DMXL1: variants seen among roughly 807,000 people sequenced by gnomAD.
DMXL1 encodes Dmx like 1, also known as dmX-like protein 1.
Under a neutral mutation model 319.2 loss-of-function variants are expected in DMXL1, and 99 were observed. That is an observed-to-expected ratio of 0.31 (90% CI 0.26 to 0.37). The LOEUF (loss-of-function observed/expected upper bound fraction) is 0.37, where lower values mean the gene tolerates loss of function less well. Ranked by LOEUF, DMXL1 falls within the 10% of genes least tolerant of loss-of-function variation. DMXL1 has a pLI of 1.00. For missense variants in DMXL1, 3,745 were observed against 3,595.6 expected (o/e 1.04, Z -1.06); for synonymous variants, 1,385 against 1,235.2 (o/e 1.12, Z -2.54).
chr5:119,241,177 T>TA (rs1165844220), intron 42 of DMXL1, among the ~76,000 whole-genome samples: 1 of 152,198 alleles, frequency 6.6e-6, no homozygotes, highest in Non-Finnish European at 1.5e-5. Context: ...CATGAGTACA[T>TA]ACAGTAGTGT....
intron 2 of DMXL1, among the ~76,000 whole-genome samples, chr5:119,100,153 T>C (rs552429032): frequency 6.6e-6 from 1 of 152,252 alleles, no homozygotes; most frequent in East Asian, 1.9e-4. Context: ...ACCTGGGGAC[T>C]TCTGACTGTT....
In DMXL1 at chr5:119,098,682, T is replaced by A. The variant is rs934101869; in HGVS notation, c.213+578T>A. ...CAAAAGTAACAAAGTATAAAATTCT[T>A]CTAGATCAGGTTAAATACAGTTCCT... On this transcript the variant is annotated intron_variant, in intron 2 of 43. Transcript: ENST00000539542. Among the ~76,000 whole-genome samples the A allele has an allele frequency of 3.9e-5, 6 of 152,308 alleles. No homozygotes were observed. The South Asian group carries it at 1.2e-3, about 32-fold the overall frequency.
rs776740982 is a variant in DMXL1 at position 119,133,872 on chromosome 5, C to T, written c.1948C>T (p.Pro650Ser). The T allele has an allele frequency of 1.4e-5, 22 of 1,614,118 alleles. No individual in the cohort carries two copies. The highest frequency in any genetic ancestry group is 3.3e-5 in the Admixed American group (2 of 60,010). Residue 650 changes from proline to serine, a missense_variant, in exon 12 of 44, where the codon CCA becomes TCA. By Grantham distance (74) the Pro-to-Ser change is moderately conservative (BLOSUM62 -1). Transcript: ENST00000539542. ...LNDLACHSVL[P>S]LLLTTSHHNA... ...TGATTTAGCTTGCCACTCAGTATTACCATTATTGCTGACAACATCACACCA... is the reference window on the plus strand; with the variant it reads ...TGATTTAGCTTGCCACTCAGTATTATCATTATTGCTGACAACATCACACCA...
intron 37 of DMXL1, among the ~76,000 whole-genome samples, chr5:119,221,463 A>G (rs1468191354): frequency 3.9e-5 from 6 of 152,314 alleles, no homozygotes; most frequent in East Asian, 1.9e-4. Context: ...TGTTTTTTCA[A>G]TAGTTGAAAA....
At chr5:119,172,666 C>G (rs1251841399) in intron 25 of DMXL1, among the ~76,000 whole-genome samples, 3 of 152,174 alleles carry the variant, frequency 2.0e-5, no homozygotes, top group African/African-American at 7.2e-5. Flanking sequence ...TTTATCTTTA[C>G]TTTTCAGACA....
chr5:119,161,443 G>T (rs1772247214), intron 19 of DMXL1, among the ~76,000 whole-genome samples: 1 of 152,234 alleles, frequency 6.6e-6, no homozygotes, highest in Non-Finnish European at 1.5e-5. Flanking sequence ...TGTTACTCCA[G>T]ATGGACAGAT....
chr5:119,075,274 C>CT (rs1173579754), intron 1 of DMXL1, among the ~76,000 whole-genome samples: 4 of 135,422 alleles, frequency 3.0e-5, no homozygotes, highest in Admixed American at 1.7e-4. Context: ...GAGTATCACT[C>CT]TATCACCCAG....
chr5:119,117,800 C>T (rs1422550770), intron 7 of DMXL1, among the ~76,000 whole-genome samples: 2 of 152,178 alleles, frequency 1.3e-5, no homozygotes, highest in Non-Finnish European at 2.9e-5. Flanking sequence ...TTATGCTGTT[C>T]TCCCTTCTGT....
Position 119,071,138 on chromosome 5 carries a change from C to T in DMXL1, c.-432C>T, listed in dbSNP as rs750765193. 9 of 188,848 alleles carry T rather than the reference C, an allele frequency of 4.8e-5. No individual in the cohort carries two copies. The highest frequency in any genetic ancestry group is 7.8e-5 in the Non-Finnish European group (7 of 89,836). The allele number at this position is 188,848 out of a possible 1,614,324, so 11.7% of individuals were successfully genotyped here. A position where few individuals can be genotyped will look rare whatever the true frequency, so the allele number is the denominator to read the frequency against. On this transcript the variant is annotated 5_prime_UTR_variant, in exon 1 of 44. Coordinates refer to ENST00000539542, the MANE Select transcript of DMXL1 (RefSeq NM_001290321.3). ...CTGTGGGGGTGGCGGGCACCGGAGC[C>T]GGGAAGGGACAGGTCAGGCGGGGAG...
intron 15 of DMXL1, among the ~76,000 whole-genome samples, chr5:119,145,471 T>C (rs1768311715): frequency 1.3e-5 from 2 of 151,794 alleles, no homozygotes; most frequent in Non-Finnish European, 1.5e-5. Flanking sequence ...TCTGAACATG[T>C]TGGAAGTATG....
At chr5:119,107,543 T>C (rs562220292) in intron 4 of DMXL1, among the ~76,000 whole-genome samples, 1 of 152,318 alleles carries the variant, frequency 6.6e-6, no homozygotes, top group East Asian at 1.9e-4. Flanking sequence ...ATATCTGTAA[T>C]TTAATATCTG....
At chr5:119,129,802 T>G (rs1764411971) in intron 10 of DMXL1, among the ~76,000 whole-genome samples, 1 of 152,228 alleles carries the variant, frequency 6.6e-6, no homozygotes, top group Admixed American at 6.5e-5. Context: ...GTATGTACAT[T>G]AAAGTTTGAG....
chr5:119,207,403 A>G (rs984371039), intron 34 of DMXL1, among the ~76,000 whole-genome samples: 1 of 152,210 alleles, frequency 6.6e-6, no homozygotes, highest in African/African-American at 2.4e-5. Flanking sequence ...AAAGTGCCTT[A>G]AGAGGATACA....
chr5:119,158,688 A>G (rs946921813), intron 19 of DMXL1, among the ~76,000 whole-genome samples: 5 of 152,192 alleles, frequency 3.3e-5, no homozygotes, highest in Non-Finnish European at 7.3e-5. Context: ...AGTTTTTGTC[A>G]TGAAAGGATG....
At chr5:119,083,565 A>G (rs1371470770) in intron 1 of DMXL1, among the ~76,000 whole-genome samples, 1 of 151,918 alleles carries the variant, frequency 6.6e-6, no homozygotes, top group Non-Finnish European at 1.5e-5. Context: ...TTTTTGAGAT[A>G]GAGTCTTGCT....
intron 2 of DMXL1, among the ~76,000 whole-genome samples, chr5:119,099,718 A>G (rs956806553): frequency 6.6e-6 from 1 of 152,166 alleles, no homozygotes; most frequent in African/African-American, 2.4e-5. Flanking sequence ...TGAAGAAATC[A>G]TGGCCATGTG....
intron 38 of DMXL1, 94 bp downstream of exon 38, chr5:119,224,863 T>C: frequency 1.9e-6 from 1 of 519,182 alleles, no homozygotes; most frequent in Non-Finnish European, 3.2e-6. Context: ...CCTTTTTGTT[T>C]TAATTGAAAG....
chr5:119,123,334 G>A (rs2149974742), intron 9 of DMXL1, among the ~76,000 whole-genome samples: 1 of 118,132 alleles, frequency 8.5e-6, no homozygotes, highest in South Asian at 2.9e-4. Flanking sequence ...GAGAGGGAGA[G>A]GAGGGAGAGG....
At position 119,147,805 on chromosome 5, in the gene DMXL1, A is replaced by G. The variant is rs1035650115; in HGVS notation, c.2911+335A>G. On this transcript the variant is annotated intron_variant, in intron 17 of 43. Coordinates refer to ENST00000539542, the MANE Select transcript of DMXL1 (RefSeq NM_001290321.3). ...GTATTGGCAATAGCTGCCTGGAGCC[A>G]TGATTCTGATTGTGTGGTTTCTGCT... Among the ~76,000 whole-genome samples, 6 of 152,300 alleles carry G rather than the reference A, an allele frequency of 3.9e-5. No individual in the cohort carries two copies. In the South Asian group the frequency reaches 8.3e-4, roughly 21 times the overall value.
Sources: gnomAD v4.1 joint callset for allele counts (sites outside exome capture counted in the v4.1 genomes callset) on GRCh38, gnomAD v4.1.1 for gene constraint, MANE v1.5 for transcripts, NCBI Gene and HGNC (gene_info 2026-07-23, HGNC 2026-07-21) for gene names.